LRRC4C: variants seen among roughly 807,000 people sequenced by gnomAD.
The protein encoded by LRRC4C is leucine-rich repeat-containing protein 4C.
LRRC4C carries 5 observed loss-of-function variants against 33.6 expected under a neutral mutation model. The observed-to-expected ratio is 0.15, with a 90% CI of 0.08 to 0.31. The LOEUF (loss-of-function observed/expected upper bound fraction) is 0.31, where lower values mean the gene tolerates loss of function less well. Ranked by LOEUF, LRRC4C falls within the 10% of genes least tolerant of loss-of-function variation. The pLI is 1.00. For synonymous variants in LRRC4C, 329 were observed against 302.0 expected, an observed-to-expected ratio of 1.09 and a Z score of -0.93; for missense variants, 560 against 796.7, an observed-to-expected ratio of 0.70 and a Z score of 3.58.
intron 2 of LRRC4C, among the ~76,000 whole-genome samples, chr11:40,933,274 C>T (rs574353554): frequency 2.2e-4 from 33 of 152,310 alleles, no homozygotes; most frequent in African/African-American, 7.7e-4. Flanking sequence ...CCTGGCAAAA[C>T]TGTAATTTGT....
chr11:40,871,866 C>T lies in LRRC4C; in HGVS notation c.-407+61769G>A, dbSNP rs147322818. ...TACACACTCATTGCACCTTCCTTGC[C>T]ATGGATCTGTAAATAAAAATCTTTG... On this transcript the variant is annotated intron_variant, in intron 2 of 6. Transcript: ENST00000528697. 1.8e-3 allele frequency among the ~76,000 whole-genome samples: 269 copies of T among 152,234 alleles called. 2 individuals are homozygous for T. The highest frequency in any genetic ancestry group is 6.4e-3 in the African/African-American group (265 of 41,552).
intron 3 of LRRC4C, among the ~76,000 whole-genome samples, chr11:40,610,125 A>G (rs1206472986): frequency 6.6e-6 from 1 of 151,904 alleles, no homozygotes; most frequent in East Asian, 1.9e-4. Flanking sequence ...ATGAGAAAAA[A>G]TCCCCCCAAA....
chr11:40,342,424 G>T (rs775192502), intron 3 of LRRC4C, among the ~76,000 whole-genome samples: 4 of 152,074 alleles, frequency 2.6e-5, no homozygotes, highest in African/African-American at 9.7e-5. Flanking sequence ...AGCCGAGATG[G>T]CACCACTGCA....
chr11:40,149,290 TAAC>T (rs1590528383), intron 5 of LRRC4C, among the ~76,000 whole-genome samples: 1 of 152,344 alleles, frequency 6.6e-6, no homozygotes, highest in East Asian at 1.9e-4. Flanking sequence ...ATAGCCATTT[TAAC>T]AATAATGATT....
At chr11:41,088,672 C>A (rs1358394628) in intron 1 of LRRC4C, among the ~76,000 whole-genome samples, 1 of 152,030 alleles carries the variant, frequency 6.6e-6, no homozygotes, top group Non-Finnish European at 1.5e-5. Flanking sequence ...AAATGGTTAT[C>A]TTTAATAGGA....
At chr11:41,289,080 C>T (rs1183695135) in intron 1 of LRRC4C, among the ~76,000 whole-genome samples, 3 of 152,214 alleles carry the variant, frequency 2.0e-5, no homozygotes, top group South Asian at 4.1e-4. Context: ...GAAATCCCAT[C>T]GCAGCCAAAG....
At chr11:40,903,655 C>A (rs1277285903) in intron 2 of LRRC4C, among the ~76,000 whole-genome samples, 1 of 151,950 alleles carries the variant, frequency 6.6e-6, no homozygotes, top group Non-Finnish European at 1.5e-5. Flanking sequence ...GATTTCAAAC[C>A]TTCTGGATGA....
chr11:41,187,260 C>T (rs1397829481), intron 1 of LRRC4C, among the ~76,000 whole-genome samples: 2 of 152,162 alleles, frequency 1.3e-5, no homozygotes, highest in African/African-American at 4.8e-5. Flanking sequence ...CACCACACCC[C>T]CATTATGTGT....
At chr11:41,068,100 A>C (rs982863067) in intron 1 of LRRC4C, among the ~76,000 whole-genome samples, 6 of 152,208 alleles carry the variant, frequency 3.9e-5, no homozygotes, top group Admixed American at 2.0e-4. Context: ...AACCCTTCAA[A>C]ACATCAATGA....
At chr11:40,389,232 G>A (rs1268322021) in intron 3 of LRRC4C, among the ~76,000 whole-genome samples, 1 of 152,088 alleles carries the variant, frequency 6.6e-6, no homozygotes, top group Non-Finnish European at 1.5e-5. Context: ...AGTTACTGGA[G>A]CCACTAAAAA....
At chr11:40,704,269 T>A (rs534766611) in intron 2 of LRRC4C, among the ~76,000 whole-genome samples, 1 of 152,290 alleles carries the variant, frequency 6.6e-6, no homozygotes, top group African/African-American at 2.4e-5. Flanking sequence ...CAGAGAAGGC[T>A]GGGTTTCCTG....
At chr11:40,482,493 G>C (rs1953630004) in intron 3 of LRRC4C, among the ~76,000 whole-genome samples, 2 of 151,548 alleles carry the variant, frequency 1.3e-5, no homozygotes, top group South Asian at 4.2e-4. Context: ...TTTTGAGATA[G>C]AGTCCCACTC....
intron 3 of LRRC4C, among the ~76,000 whole-genome samples, chr11:40,461,665 AC>A (rs1362398293): frequency 6.7e-6 from 1 of 149,124 alleles, no homozygotes; most frequent in African/African-American, 2.4e-5. Flanking sequence ...TAAACTATAT[AC>A]AAATTATATA....
intron 2 of LRRC4C, among the ~76,000 whole-genome samples, chr11:40,889,208 T>C (rs190368306): frequency 3.0e-4 from 46 of 152,246 alleles, no homozygotes; most frequent in Admixed American, 2.9e-3. Context: ...ATACACATTC[T>C]ATACAGTCCT....
At chr11:40,451,198 T>C (rs1379468770) in intron 3 of LRRC4C, among the ~76,000 whole-genome samples, 2 of 150,022 alleles carry the variant, frequency 1.3e-5, no homozygotes, top group Non-Finnish European at 3.0e-5. Context: ...AAGTAGACAG[T>C]GAAAAATAAT....
intron 2 of LRRC4C, among the ~76,000 whole-genome samples, chr11:40,663,255 A>AT (rs56278686): frequency 0.04 from 5,999 of 151,678 alleles, 161 homozygotes; most frequent in African/African-American, 0.081. Flanking sequence ...TAATTTTTGT[A>AT]TTTTTTTAGT....
intron 2 of LRRC4C, among the ~76,000 whole-genome samples, chr11:40,794,063 A>G (rs571960835): frequency 1.9e-4 from 29 of 152,204 alleles, no homozygotes; most frequent in African/African-American, 5.1e-4. Flanking sequence ...CTGATGTGAA[A>G]AAAAACTTTT....
chr11:40,430,219 G>A (rs981442575), intron 3 of LRRC4C, among the ~76,000 whole-genome samples: 6 of 145,538 alleles, frequency 4.1e-5, no homozygotes, highest in African/African-American at 1.3e-4. Context: ...GTGCAGTAGG[G>A]GGGCACTGAT....
chr11:40,695,149 C>T (rs1945428527), intron 2 of LRRC4C, among the ~76,000 whole-genome samples: 1 of 152,106 alleles, frequency 6.6e-6, no homozygotes, highest in Admixed American at 6.6e-5. Context: ...GCTAAGTGAA[C>T]AGTGTGGAGG....
Sources: allele counts gnomAD v4.1 joint callset (sites outside exome capture counted in the v4.1 genomes callset), GRCh38; gene constraint gnomAD v4.1.1; transcripts MANE v1.5; gene names NCBI Gene and HGNC (gene_info 2026-07-23, HGNC 2026-07-21).